The following HEMK2 variants were observed in gnomAD, a reference collection of about 807,000 sequenced individuals.
The protein encoded by HEMK2 is methyltransferase HEMK2.
chr21:28,740,369 T>C, the HEMK2 span, among the ~76,000 whole-genome samples: 3 of 152,230 alleles, frequency 2.0e-5, no homozygotes, highest in African/African-American at 7.2e-5. Flanking sequence ...GAATGTCTTA[T>C]TCCCTATGAG....
At chr21:28,729,749 T>G in the HEMK2 span, among the ~76,000 whole-genome samples, 2,498 of 152,294 alleles carry the variant, frequency 0.016, 72 homozygotes, top group African/African-American at 0.056. Flanking sequence ...GGCTGTGGGT[T>G]GGACAAGCTT....
chr21:28,579,354 T>C, the HEMK2 span, among the ~76,000 whole-genome samples: 1 of 152,226 alleles, frequency 6.6e-6, no homozygotes, highest in Non-Finnish European at 1.5e-5. Context: ...TATAATTGTA[T>C]ATTCTTCAAA....
chr21:28,763,230 T>C, the HEMK2 span, among the ~76,000 whole-genome samples: 3 of 152,108 alleles, frequency 2.0e-5, no homozygotes, highest in East Asian at 5.8e-4. Context: ...TGAGGCTGGG[T>C]AATTTATAAA....
the HEMK2 span, among the ~76,000 whole-genome samples, chr21:28,689,125 T>C: frequency 8.5e-5 from 9 of 106,190 alleles, no homozygotes; most frequent in East Asian, 4.9e-4. Flanking sequence ...AAAGTAGTTA[T>C]AAAATGGCAG....
At chr21:28,853,124 G>C in the HEMK2 span, among the ~76,000 whole-genome samples, 1 of 152,172 alleles carries the variant, frequency 6.6e-6, no homozygotes, top group Non-Finnish European at 1.5e-5. Flanking sequence ...TATTGGTCAA[G>C]GATATATCTT....
the HEMK2 span, among the ~76,000 whole-genome samples, chr21:28,691,612 C>T: frequency 6.6e-6 from 1 of 151,958 alleles, no homozygotes; most frequent in African/African-American, 2.4e-5. Context: ...TTCTGGTTGC[C>T]TCAGTGGGAA....
the HEMK2 span, among the ~76,000 whole-genome samples, chr21:28,593,258 CAT>C: frequency 6.6e-6 from 1 of 152,140 alleles, no homozygotes; most frequent in African/African-American, 2.4e-5. Context: ...TGCATATAAA[CAT>C]AAATAAATTT....
the HEMK2 span, among the ~76,000 whole-genome samples, chr21:28,601,604 A>C: frequency 5.5e-5 from 7 of 126,784 alleles, no homozygotes; most frequent in East Asian, 4.7e-4. Context: ...ACCTTCTGAC[A>C]TCTCTCTCTC....
At chr21:28,606,534 G>A in the HEMK2 span, among the ~76,000 whole-genome samples, 1 of 151,890 alleles carries the variant, frequency 6.6e-6, no homozygotes, top group Admixed American at 6.6e-5. Context: ...AAATAAACTT[G>A]GTAGAAGCAT....
chr21:28,800,356 A>G, the HEMK2 span, among the ~76,000 whole-genome samples: 1 of 152,092 alleles, frequency 6.6e-6, no homozygotes, highest in Non-Finnish European at 1.5e-5. Context: ...GCTTTAATGT[A>G]ATCTTTTTTT....
At chr21:28,830,323 A>C in the HEMK2 span, among the ~76,000 whole-genome samples, 1 of 152,054 alleles carries the variant, frequency 6.6e-6, no homozygotes, top group Non-Finnish European at 1.5e-5. Flanking sequence ...GAGATCTGAT[A>C]AATGTTTAAA....
chr21:28,872,066 G>T, the HEMK2 span: 2 of 152,100 alleles, frequency 1.3e-5, no homozygotes, highest in African/African-American at 4.8e-5. Context: ...TTTGTTGGGG[G>T]GACACTACTC....
the HEMK2 span, among the ~76,000 whole-genome samples, chr21:28,694,063 A>C: frequency 2.0e-5 from 3 of 152,230 alleles, no homozygotes; most frequent in African/African-American, 7.2e-5. Context: ...TTACAATGTA[A>C]TTACAGAGGC....
chr21:28,882,871 T>G, the HEMK2 span: 1 of 621,606 alleles, frequency 1.6e-6, no homozygotes. Context: ...GTAATCTGAG[T>G]TTTTGCTATG....
chr21:28,691,594 C>T, the HEMK2 span, among the ~76,000 whole-genome samples: 1 of 152,072 alleles, frequency 6.6e-6, no homozygotes, highest in Non-Finnish European at 1.5e-5. Flanking sequence ...AGCCATTTCT[C>T]CAAAAAGTTC....
the HEMK2 span, among the ~76,000 whole-genome samples, chr21:28,647,788 C>T: frequency 1.3e-5 from 2 of 152,164 alleles, no homozygotes; most frequent in Admixed American, 1.3e-4. Flanking sequence ...ACAAAAGGCC[C>T]TCCTCCACCT....
the HEMK2 span, among the ~76,000 whole-genome samples, chr21:28,769,395 G>A: frequency 5.9e-5 from 9 of 151,968 alleles, no homozygotes; most frequent in South Asian, 2.1e-4. Flanking sequence ...CAAAATGAAC[G>A]TCAAAGATCC....
the HEMK2 span, among the ~76,000 whole-genome samples, chr21:28,797,982 A>G: frequency 6.6e-6 from 1 of 152,182 alleles, no homozygotes; most frequent in Admixed American, 6.5e-5. Context: ...CTCATGCTCC[A>G]TGAGTTTTCA....
At chr21:28,775,815 A>T in the HEMK2 span, among the ~76,000 whole-genome samples, 43 of 152,304 alleles carry the variant, frequency 2.8e-4, no homozygotes, top group African/African-American at 1.0e-3. Context: ...AAGAAAATGG[A>T]GACTAAGTGT....
Sources: allele counts gnomAD v4.1 joint callset (sites outside exome capture counted in the v4.1 genomes callset), GRCh38; gene constraint gnomAD v4.1.1; transcripts MANE v1.5; gene names NCBI Gene and HGNC (gene_info 2026-07-23, HGNC 2026-07-21).